Variants in HEBP2 observed in about 807,000 individuals in gnomAD.
HEBP2 encodes the protein heme binding protein 2.
In HEBP2, 27 loss-of-function variants were observed where a neutral mutation model predicts 23.1. The observed-to-expected ratio is 1.17, with a 90% CI of 0.86 to 1.61. The LOEUF (loss-of-function observed/expected upper bound fraction) is 1.61, where lower values mean the gene tolerates loss of function less well. Among genes scored for constraint, HEBP2 ranks in the 40% most tolerant of loss-of-function variants. The pLI is 0.00. For missense variants in HEBP2, 245 were observed against 253.8 expected (o/e 0.97, Z 0.24); for synonymous variants, 99 against 95.1 (o/e 1.04, Z -0.24).
In HEBP2 at chr6:138,413,333, T is replaced by C. The variant is rs985616177; in HGVS notation, c.*255T>C. The C allele has an allele frequency of 2.8e-6, 1 of 363,502 alleles. No homozygotes were observed. Among genetic ancestry groups the C allele is most frequent in the Non-Finnish European group, 5.0e-6 (1 of 199,804 alleles). The allele number at this position is 363,502 out of a possible 1,614,324, so 22.5% of individuals were successfully genotyped here. On this transcript the variant is annotated 3_prime_UTR_variant, in exon 4 of 4. Coordinates refer to ENST00000607197, the MANE Select transcript of HEBP2 (RefSeq NM_014320.3). Reference sequence around the variant, plus strand: ...ATTTCTGTGAGGATCTAGGGAAATTTCATGTCACTTCCCTCCTTCACTGCA... The same window carrying C: ...ATTTCTGTGAGGATCTAGGGAAATTCCATGTCACTTCCCTCCTTCACTGCA...
rs1774864029 is a variant in HEBP2, at chr6:138,417,834, T to C, written c.*4756T>C. 6.6e-6 allele frequency: 1 copy of C among 152,192 alleles called. No individual in the cohort carries two copies. The highest frequency in any genetic ancestry group is 1.5e-5 in the Non-Finnish European group (1 of 68,030). 9.4% of individuals were successfully genotyped at this position (152,192 alleles called of 1,614,324 possible). ...AGTAGAGCAAATAATTTACAGATCA[T>C]CTATGGGGCTGGGAAAAGTTTGTGT... On this transcript the variant is annotated 3_prime_UTR_variant, in exon 4 of 4. Transcript: ENST00000607197.
At chr6:138,408,062 G>C (rs1212025753) in intron 3 of HEBP2, among the ~76,000 whole-genome samples, 2 of 152,180 alleles carry the variant, frequency 1.3e-5, no homozygotes, top group Non-Finnish European at 2.9e-5. Context: ...TTTCTAAAAT[G>C]CCTTTGGCAT....
chr6:138,403,542 C>T, upstream of HEBP2: 1 of 487,930 alleles, frequency 2.0e-6, no homozygotes, highest in Non-Finnish European at 3.6e-6. Flanking sequence ...CCCGGAGAGC[C>T]TCGGAGCTCT....
chr6:138,404,263 C>T lies in HEBP2; in HGVS notation c.-233C>T, dbSNP rs1185346051. 4 of 322,706 alleles carry T rather than the reference C, an allele frequency of 1.2e-5. No homozygotes were observed. The highest frequency in any genetic ancestry group is 6.5e-5 in the African/African-American group (3 of 46,006). The allele number at this position is 322,706 out of a possible 1,614,324, so 20.0% of individuals were successfully genotyped here. ...GGGGCGGGGGCAGGACGCGCAACTCCGGCCGGAGCTGTCCGGGGTCGTGAG... is the reference window on the plus strand; with the variant it reads ...GGGGCGGGGGCAGGACGCGCAACTCTGGCCGGAGCTGTCCGGGGTCGTGAG... On this transcript the variant is annotated 5_prime_UTR_variant, in exon 1 of 4. Coordinates refer to ENST00000607197, the MANE Select transcript of HEBP2 (RefSeq NM_014320.3).
In HEBP2 at chr6:138,414,722, TG is replaced by T. The variant is rs1167816075; in HGVS notation, c.*1646del. ...TGGTAGCTGACAGCATGCTTTTTTC[TG>T]GCAATTCCCAGCCAATAACTGAGCA... is the stretch of plus-strand genomic sequence containing the variant. On this transcript the variant is annotated 3_prime_UTR_variant, in exon 4 of 4. Coordinates refer to ENST00000607197, the MANE Select transcript of HEBP2 (RefSeq NM_014320.3). 6.6e-6 allele frequency: 1 copy of T among 152,286 alleles called. No individual in the cohort carries two copies. Among genetic ancestry groups the T allele is most frequent in the African/African-American group, 2.4e-5 (1 of 41,452 alleles). The allele number at this position is 152,286 out of a possible 1,614,324, so 9.4% of individuals were successfully genotyped here.
At position 138,405,968 on chromosome 6, in the gene HEBP2, C is replaced by T; in HGVS notation, c.239-3C>T. 1 of 1,609,066 alleles carries T rather than the reference C, an allele frequency of 6.2e-7. No individual in the cohort carries two copies. The highest frequency in any genetic ancestry group is 8.5e-7 in the Non-Finnish European group (1 of 1,177,664). ...TAAATTTGCTTTCATTTTTATGTCA[C>T]AGAGATGAAAATAAAGATGACAGCT... On this transcript the variant is annotated splice_polypyrimidine_tract_variant and splice_region_variant and intron_variant, in intron 2 of 3. Coordinates refer to ENST00000607197, the MANE Select transcript of HEBP2 (RefSeq NM_014320.3).
Position 138,413,357 on chromosome 6 carries a change from C to T in HEBP2, c.*279C>T, listed in dbSNP as rs1774785865. On this transcript the variant is annotated 3_prime_UTR_variant, in exon 4 of 4. Transcript: ENST00000607197. ...TTCATGTCACTTCCCTCCTTCACTG[C>T]ATCACAATCATATTCCCTTTTTTTT... 6.4e-6 allele frequency: 2 copies of T among 310,230 alleles called. No individual in the cohort carries two copies. The highest frequency in any genetic ancestry group is 1.2e-5 in the Non-Finnish European group (2 of 166,668). 19.2% of individuals were successfully genotyped at this position (310,230 alleles called of 1,614,324 possible).
In HEBP2 at chr6:138,414,742, C is replaced by G. The variant is rs559563227; in HGVS notation, c.*1664C>G. The G allele has an allele frequency of 2.0e-5, 3 of 152,380 alleles. No individual in the cohort carries two copies. Among genetic ancestry groups the G allele is most frequent in the Admixed American group, 1.3e-4 (2 of 15,292 alleles). The allele number at this position is 152,380 out of a possible 1,614,324, so 9.4% of individuals were successfully genotyped here. ...TTTTCTGGCAATTCCCAGCCAATAACTGAGCAAGGTGGTGGTATAAGACCT... is the reference window on the plus strand; with the variant it reads ...TTTTCTGGCAATTCCCAGCCAATAAGTGAGCAAGGTGGTGGTATAAGACCT... On this transcript the variant is annotated 3_prime_UTR_variant, in exon 4 of 4. Coordinates refer to ENST00000607197, the MANE Select transcript of HEBP2 (RefSeq NM_014320.3).
At chr6:138,408,764 C>T (rs1006408825) in intron 3 of HEBP2, among the ~76,000 whole-genome samples, 1 of 152,176 alleles carries the variant, frequency 6.6e-6, no homozygotes, top group African/African-American at 2.4e-5. Flanking sequence ...GGATCACTGT[C>T]GATGCCTGTT....
At chr6:138,407,254 C>T (rs1395033415) in intron 3 of HEBP2, among the ~76,000 whole-genome samples, 1 of 152,196 alleles carries the variant, frequency 6.6e-6, no homozygotes, top group Non-Finnish European at 1.5e-5. Flanking sequence ...GGCCGATTCC[C>T]CTCCATCTAT....
chr6:138,413,034 G>A lies in HEBP2; in HGVS notation c.574G>A (p.Val192Met). ...PVKLLNRNNE[V>M]WLIQKNEPTK... ...CAAATTGCTTAATAGAAATAATGAA[G>A]TGTGGTTGATTCAAAAAAATGAACC... is the stretch of plus-strand genomic sequence containing the variant. The change falls in exon 4 of 4, where the codon GTG becomes ATG. Residue 192 changes from valine to methionine, a missense_variant. Val to Met is a conservative substitution (Grantham distance 21). Coordinates refer to ENST00000607197, the MANE Select transcript of HEBP2 (RefSeq NM_014320.3). 6.2e-7 allele frequency: 1 copy of A among 1,613,932 alleles called. No individual in the cohort carries two copies. The highest frequency in any genetic ancestry group is 8.5e-7 in the Non-Finnish European group (1 of 1,179,970).
rs1363208054 is a variant in HEBP2 at position 138,417,555 on chromosome 6, T to C, written c.*4477T>C. On this transcript the variant is annotated 3_prime_UTR_variant, in exon 4 of 4. Coordinates refer to ENST00000607197, the MANE Select transcript of HEBP2 (RefSeq NM_014320.3). ...GGAATAATGAGGTGAGTCCAGTGATTGCTCAGGCGAATGGCCTGGAGGCAG... is the reference window on the plus strand; with the variant it reads ...GGAATAATGAGGTGAGTCCAGTGATCGCTCAGGCGAATGGCCTGGAGGCAG... 6.6e-6 allele frequency: 1 copy of C among 152,426 alleles called. No individual in the cohort carries two copies. Among genetic ancestry groups the C allele is most frequent in the Non-Finnish European group, 1.5e-5 (1 of 68,146 alleles). 9.4% of individuals were successfully genotyped at this position (152,426 alleles called of 1,614,324 possible).
chr6:138,415,484 A>G lies in HEBP2; in HGVS notation c.*2406A>G, dbSNP rs956030913. On this transcript the variant is annotated 3_prime_UTR_variant, in exon 4 of 4. Coordinates refer to ENST00000607197, the MANE Select transcript of HEBP2 (RefSeq NM_014320.3). ...GGTGTCTCAAATATGGGAAGGGTGG[A>G]TAAAAGAGACAAGGACAGTGGGCTT... The G allele has an allele frequency of 2.4e-4, 36 of 152,246 alleles. 2 individuals carry two copies. Among genetic ancestry groups the G allele is most frequent in the Admixed American group, 2.3e-3 (35 of 15,276 alleles). The allele number at this position is 152,246 out of a possible 1,614,324, so 9.4% of individuals were successfully genotyped here.
rs1774638902 is a variant in HEBP2 at position 138,406,046 on chromosome 6, T to G, written c.314T>G (p.Ile105Ser). ...PGSGPFSEST[I>S]TISLYIPSEQ... ...TCAGGTCCTTTTAGTGAGTCTACCA[T>G]TACCATTTCCCTGTATATTCCCTCT... The change falls in exon 3 of 4, where the codon ATT (isoleucine) becomes AGT (serine). Residue 105 changes from isoleucine to serine, a missense_variant. By Grantham distance (142) the Ile-to-Ser change is moderately radical (BLOSUM62 -2). Transcript: ENST00000607197. 6.2e-7 allele frequency: 1 copy of G among 1,614,028 alleles called. No homozygotes were observed. The highest frequency in any genetic ancestry group is 1.7e-5 in the Admixed American group (1 of 60,006).
chr6:138,406,109 A>C lies in HEBP2; in HGVS notation c.377A>C (p.Asp126Ala), dbSNP rs1353492504. Residue 126 changes from aspartate to alanine, a missense_variant, in exon 3 of 4, where the codon GAT (aspartate) becomes GCT (alanine). Asp to Ala is a moderately radical substitution (Grantham distance 126). Coordinates refer to ENST00000607197, the MANE Select transcript of HEBP2 (RefSeq NM_014320.3). ...GATCCACCCAGGCCTTTAGAGTCAG[A>C]TGTCTTCATTGAAGATAGAGCCGAA... ...QFDPPRPLES[D>A]VFIEDRAEMT... 6.2e-7 allele frequency: 1 copy of C among 1,614,122 alleles called. No individual in the cohort carries two copies. Among genetic ancestry groups the C allele is most frequent in the South Asian group, 1.1e-5 (1 of 91,058 alleles).
In HEBP2 at chr6:138,409,621, T is replaced by G. The variant is rs141887999; in HGVS notation, c.420-3259T>G. On this transcript the variant is annotated intron_variant, in intron 3 of 3. Coordinates refer to ENST00000607197, the MANE Select transcript of HEBP2 (RefSeq NM_014320.3). ...CAAGCCGTCTTCCCTGCCACCAGTC[T>G]TTTCCTTTCCTCTTCCACACTGGAA... Among the ~76,000 whole-genome samples the G allele has an allele frequency of 9.2e-5, 14 of 152,330 alleles. No individual in the cohort carries two copies. In the East Asian group the frequency reaches 2.3e-3, roughly 25 times the overall value.
chr6:138,403,696 C>T, upstream of HEBP2: 1 of 414,034 alleles, frequency 2.4e-6, no homozygotes. Flanking sequence ...CGGGAAAGCC[C>T]TGGTAACCAA....
Position 138,404,406 on chromosome 6 carries a change from C to T in HEBP2, c.-90C>T. ...GGGTCTGCGGAGCGGGGACTCGGGGCCTCGGCGGGGCGCGCACACGCAGGC... is the reference window on the plus strand; with the variant it reads ...GGGTCTGCGGAGCGGGGACTCGGGGTCTCGGCGGGGCGCGCACACGCAGGC... On this transcript the variant is annotated 5_prime_UTR_variant, in exon 1 of 4. Transcript: ENST00000607197. The T allele has an allele frequency of 1.2e-6, 1 of 859,276 alleles. No homozygotes were observed. The highest frequency in any genetic ancestry group is 1.5e-6 in the Non-Finnish European group (1 of 657,514). 53.2% of individuals were successfully genotyped at this position (859,276 alleles called of 1,614,324 possible).
At position 138,418,871 on chromosome 6, in the gene HEBP2, G is replaced by A. The variant is rs1774876751; in HGVS notation, c.*5793G>A. On this transcript the variant is annotated 3_prime_UTR_variant, in exon 4 of 4. Transcript: ENST00000607197. ...ATCATTCACCTTGTGAGGGAGGACA[G>A]GTAAAATATTTATGGAAGTGGCAGA... The A allele has an allele frequency of 6.6e-6, 1 of 152,158 alleles. No individual in the cohort carries two copies. Among genetic ancestry groups the A allele is most frequent in the African/African-American group, 2.4e-5 (1 of 41,432 alleles). The allele number at this position is 152,158 out of a possible 1,614,324, so 9.4% of individuals were successfully genotyped here.
Sources: gnomAD v4.1 joint callset for allele counts (sites outside exome capture counted in the v4.1 genomes callset) on GRCh38, gnomAD v4.1.1 for gene constraint, MANE v1.5 for transcripts, NCBI Gene and HGNC (gene_info 2026-07-23, HGNC 2026-07-21) for gene names.